Variants in GPAM observed in about 807,000 individuals in gnomAD.
The protein encoded by GPAM is glycerol-3-phosphate acyltransferase, mitochondrial, also known as glycerol-3-phosphate acyltransferase 1, mitochondrial.
Under a neutral mutation model 105.0 loss-of-function variants are expected in GPAM, and 56 were observed. The ratio of observed to expected loss-of-function variants is 0.53; its 90% CI spans 0.43 to 0.67. GPAM has a LOEUF of 0.67. Ranked by LOEUF, GPAM falls within the 30% of genes least tolerant of loss-of-function variation. The pLI is 0.00. For synonymous variants in GPAM, 368 were observed against 354.4 expected (o/e 1.04, Z -0.43); for missense variants, 855 against 989.8 (o/e 0.86, Z 1.83).
intron 3 of GPAM, among the ~76,000 whole-genome samples, chr10:112,181,121 T>C (rs910782828): frequency 6.6e-6 from 1 of 151,864 alleles, no homozygotes; most frequent in African/African-American, 2.4e-5. Flanking sequence ...ATTCTAAAAA[T>C]GCTTAACTTT....
chr10:112,216,494 C>G (rs940208969), upstream of GPAM, among the ~76,000 whole-genome samples: 3 of 152,152 alleles, frequency 2.0e-5, no homozygotes, highest in East Asian at 5.8e-4. Flanking sequence ...AGACAGGAAG[C>G]GGATCCAAGT....
intron 6 of GPAM, among the ~76,000 whole-genome samples, chr10:112,174,352 A>G (rs1364412959): frequency 6.6e-6 from 1 of 152,210 alleles, no homozygotes; most frequent in African/African-American, 2.4e-5. Context: ...AATTTTTTCA[A>G]CTCAAACCAG....
intron 1 of GPAM, among the ~76,000 whole-genome samples, chr10:112,211,758 G>A (rs1249529147): frequency 6.6e-6 from 1 of 152,160 alleles, no homozygotes; most frequent in Non-Finnish European, 1.5e-5. Context: ...AACCTCATGA[G>A]AAAGTATTAC....
In GPAM at chr10:112,153,338, TCCC is replaced by T. The variant is rs1378828304; in HGVS notation, c.*209_*211del. 2.1e-6 allele frequency: 3 copies of T among 1,452,414 alleles called. No homozygotes were observed. In the Admixed American group the frequency reaches 7.5e-5, roughly 36 times the overall value. The allele number at this position is 1,452,414 out of a possible 1,614,324, so 90.0% of individuals were successfully genotyped here. A position where few individuals can be genotyped will look rare whatever the true frequency, so the allele number is the denominator to read the frequency against. The stretch of plus-strand genomic sequence containing the variant: ...TATGAGTTGCGAATAGAGGCTGAGG[TCCC>T]CCCAAGTGTTATCTGCAGGCTGCTG... On this transcript the variant is annotated 3_prime_UTR_variant, in exon 22 of 22. Transcript: ENST00000348367.
intron 11 of GPAM, 32 bp downstream of exon 11, chr10:112,168,280 A>C: frequency 7.4e-6 from 9 of 1,219,192 alleles, no homozygotes; most frequent in Middle Eastern, 1.9e-4. Flanking sequence ...AGACTTGATA[A>C]GCAAAGAAAA....
At chr10:112,165,617 G>A (rs909699958) in intron 12 of GPAM, among the ~76,000 whole-genome samples, 4 of 152,180 alleles carry the variant, frequency 2.6e-5, no homozygotes, top group African/African-American at 7.2e-5. Flanking sequence ...TTGAACCTAG[G>A]GGGCAGAGGT....
At chr10:112,185,735 T>A (rs922878558), upstream of GPAM, among the ~76,000 whole-genome samples, 1 of 151,984 alleles carries the variant, frequency 6.6e-6, no homozygotes, top group African/African-American at 2.4e-5. Flanking sequence ...ATTGTGCCAC[T>A]GCACTCCAGC....
At chr10:112,209,885 T>C (rs1260255581) in intron 1 of GPAM, among the ~76,000 whole-genome samples, 1 of 152,184 alleles carries the variant, frequency 6.6e-6, no homozygotes, top group Non-Finnish European at 1.5e-5. Flanking sequence ...CTGAAGCCCA[T>C]AACACAGCTA....
chr10:112,183,034 C>A (rs1056117114), intron 1 of GPAM, 143 bp from the exon 2 acceptor site: 2 of 152,346 alleles, frequency 1.3e-5, no homozygotes, highest in African/African-American at 4.8e-5. Flanking sequence ...CCCAGAGGCA[C>A]CAGCCAGCAG....
intron 1 of GPAM, among the ~76,000 whole-genome samples, chr10:112,208,399 T>C (rs1564691574): frequency 6.6e-6 from 1 of 152,212 alleles, no homozygotes; most frequent in Non-Finnish European, 1.5e-5. Context: ...GTTTCCCCTT[T>C]AGATTTTCAT....
chr10:112,163,781 G>T lies in GPAM; in HGVS notation c.1343C>A (p.Ser448Tyr). The change falls in exon 14 of 22, where the codon TCC (serine) becomes TAC (tyrosine). Residue 448 changes from serine to tyrosine, a missense_variant. Physicochemically the swap from Ser to Tyr is moderately radical, Grantham distance 144. Transcript: ENST00000348367. The part of the protein sequence containing the change: ...SDAADEGRDT[S>Y]INESRNATDE... ...TGTTGCATTTCTGGACTCATTAATG[G>T]ACGTGTCTCTACCTTCATCAGCAGC... The T allele has an allele frequency of 6.2e-7, 1 of 1,602,032 alleles. No individual in the cohort carries two copies. Among genetic ancestry groups the T allele is most frequent in the Non-Finnish European group, 8.6e-7 (1 of 1,168,962 alleles).
chr10:112,161,062 C>G (rs1044446660), intron 15 of GPAM, among the ~76,000 whole-genome samples, 194 bp from the exon 16 acceptor site: 4 of 152,154 alleles, frequency 2.6e-5, no homozygotes, highest in Non-Finnish European at 2.9e-5. Context: ...CCAGGAATGT[C>G]AAGGTATTAC....
the GPAM span, among the ~76,000 whole-genome samples, chr10:112,222,605 C>G: frequency 6.6e-6 from 1 of 152,202 alleles, no homozygotes; most frequent in Non-Finnish European, 1.5e-5. Flanking sequence ...GGGAACATCT[C>G]AGGCTTTCCT....
chr10:112,209,458 G>A (rs2133304381), intron 1 of GPAM, among the ~76,000 whole-genome samples: 1 of 152,152 alleles, frequency 6.6e-6, no homozygotes, highest in African/African-American at 2.4e-5. Context: ...TGCTCCAAGG[G>A]GAGCCTGATG....
Position 112,153,220 on chromosome 10 carries a change from A to C in GPAM, c.*330T>G, listed in dbSNP as rs548819842. The C allele has an allele frequency of 1.8e-5, 21 of 1,158,326 alleles. 1 individual carries two copies. In the South Asian group the frequency reaches 3.9e-4, roughly 21 times the overall value. The allele number at this position is 1,158,326 out of a possible 1,614,324, so 71.8% of individuals were successfully genotyped here. A position where few individuals can be genotyped will look rare whatever the true frequency, so the allele number is the denominator to read the frequency against. ...ACACAGCTACATTTCTGTGTCCATC[A>C]CAGTAATTAGTCCTTAAAAGTTGTA... On this transcript the variant is annotated 3_prime_UTR_variant, in exon 22 of 22. Transcript: ENST00000348367.
intron 5 of GPAM, 66 bp downstream of exon 5, chr10:112,177,918 T>A: frequency 1.2e-6 from 1 of 838,846 alleles, no homozygotes; most frequent in Non-Finnish European, 2.1e-6. Context: ...GCTTAAAGTG[T>A]GTTAACTGAT....
chr10:112,159,066 G>C (rs182376648), intron 17 of GPAM, among the ~76,000 whole-genome samples: 40 of 152,266 alleles, frequency 2.6e-4, no homozygotes, highest in African/African-American at 8.2e-4. Flanking sequence ...ACATGTTGAT[G>C]ACTTTGAGAA....
chr10:112,155,734 T>C, intron 20 of GPAM, 130 bp downstream of exon 20: 2 of 625,336 alleles, frequency 3.2e-6, no homozygotes, highest in African/African-American at 1.9e-5. Flanking sequence ...CCAAAGAAGA[T>C]AATAGTAATA....
intron 1 of GPAM, among the ~76,000 whole-genome samples, chr10:112,200,497 G>T (rs983368527): frequency 1.3e-5 from 2 of 151,878 alleles, no homozygotes; most frequent in South Asian, 2.1e-4. Context: ...TCACTATGTT[G>T]CCCAGGCTGG....
Sources: allele counts gnomAD v4.1 joint callset (sites outside exome capture counted in the v4.1 genomes callset), GRCh38; gene constraint gnomAD v4.1.1; transcripts MANE v1.5; gene names NCBI Gene and HGNC (gene_info 2026-07-23, HGNC 2026-07-21).